The following CNOT6L variants were observed in gnomAD, a reference collection of about 807,000 sequenced individuals.
The protein encoded by CNOT6L is CCR4-NOT transcription complex subunit 6 like.
A neutral mutation model predicts 64.0 loss-of-function variants in CNOT6L; 7 were observed. That is an observed-to-expected ratio of 0.11 (90% CI 0.06 to 0.21). CNOT6L has a LOEUF of 0.21. Among genes scored for constraint, CNOT6L ranks in the 10% least tolerant of loss-of-function variants. The pLI, the probability that CNOT6L is intolerant of heterozygous loss-of-function variation, is 1.00. For synonymous variants in CNOT6L, 193 were observed against 243.4 expected, an observed-to-expected ratio of 0.79 and a Z score of 1.93; for missense variants, 245 against 669.0, an observed-to-expected ratio of 0.37 and a Z score of 6.99.
At chr4:77,806,958 C>T (rs1019072697) in intron 1 of CNOT6L, among the ~76,000 whole-genome samples, 2 of 152,164 alleles carry the variant, frequency 1.3e-5, no homozygotes, top group Non-Finnish European at 2.9e-5. Flanking sequence ...ATATGCCAAA[C>T]TCTGTATTAA....
Position 77,718,047 on chromosome 4 carries a change from T to A in CNOT6L, c.*2384A>T, listed in dbSNP as rs201717132. ...TTACAATGTTTCCCATTTTTTTTTA[T>A]TTTTTCCCTCTACATTTAACTATTA... On this transcript the variant is annotated 3_prime_UTR_variant, in exon 12 of 12. Transcript: ENST00000504123. 1 of 148,986 alleles carries A rather than the reference T, an allele frequency of 6.7e-6. No individual in the cohort carries two copies. Among genetic ancestry groups the A allele is most frequent in the South Asian group, 2.1e-4 (1 of 4,682 alleles). 9.2% of individuals were successfully genotyped at this position (148,986 alleles called of 1,614,324 possible). A position where few individuals can be genotyped will look rare whatever the true frequency, so the allele number is the denominator to read the frequency against.
intron 1 of CNOT6L, among the ~76,000 whole-genome samples, chr4:77,800,883 T>A (rs1432577491): frequency 6.6e-6 from 1 of 152,146 alleles, no homozygotes; most frequent in Non-Finnish European, 1.5e-5. Flanking sequence ...TAAAAGAAAG[T>A]TAAGGCCAAT....
upstream of CNOT6L, chr4:77,819,565 C>G: frequency 3.1e-6 from 1 of 327,560 alleles, no homozygotes; most frequent in Non-Finnish European, 5.1e-6. Flanking sequence ...CCCGGGGTCT[C>G]GGGGGGCCCG....
At chr4:77,818,887 C>G in intron 1 of CNOT6L, 2 of 443,784 alleles carry the variant, frequency 4.5e-6, no homozygotes, top group Non-Finnish European at 8.3e-6. Context: ...GGCGCGGCAC[C>G]GACCAGCAGC....
At chr4:77,748,222 G>A in intron 6 of CNOT6L, 94 bp downstream of exon 6, 1 of 878,668 alleles carries the variant, frequency 1.1e-6, no homozygotes, top group Non-Finnish European at 1.9e-6. Flanking sequence ...CCCATGAAAG[G>A]TAAAAATGAA....
chr4:77,731,598 T>C (rs1347798996), intron 8 of CNOT6L, 60 bp from the exon 9 acceptor site: 1 of 1,255,102 alleles, frequency 8.0e-7, no homozygotes, highest in Non-Finnish European at 1.1e-6. Flanking sequence ...AGATATTAAA[T>C]GAAAGAAACA....
At chr4:77,807,097 G>C (rs371844634) in intron 1 of CNOT6L, among the ~76,000 whole-genome samples, 4 of 151,846 alleles carry the variant, frequency 2.6e-5, no homozygotes, top group African/African-American at 7.3e-5. Context: ...GGATGGTCTC[G>C]ATCTCCTGAC....
At position 77,800,301 on chromosome 4, in the gene CNOT6L, AG is replaced by A. The variant is rs535509324; in HGVS notation, c.5+19002del. On this transcript the variant is annotated intron_variant, in intron 1 of 11. Coordinates refer to ENST00000504123, the MANE Select transcript of CNOT6L (RefSeq NM_144571.3). ...AGGACTGCTTGAGCCCAGGCGTTCAAGGCCAGCCTGGGCAACATAGTGAGAC... is the reference window on the plus strand; with the variant it reads ...AGGACTGCTTGAGCCCAGGCGTTCAAGCCAGCCTGGGCAACATAGTGAGAC... Among the ~76,000 whole-genome samples, 20 of 152,246 alleles carry A rather than the reference AG, an allele frequency of 1.3e-4. No homozygotes were observed. The East Asian group carries it at 3.7e-3, about 28-fold the overall frequency.
intron 8 of CNOT6L, among the ~76,000 whole-genome samples, chr4:77,732,223 TA>T (rs1722519879): frequency 6.6e-6 from 1 of 152,142 alleles, no homozygotes; most frequent in African/African-American, 2.4e-5. Flanking sequence ...TCTGCACTAA[TA>T]ATTTTTTCTT....
chr4:77,819,422 G>T, upstream of CNOT6L: 1 of 1,594,408 alleles, frequency 6.3e-7, no homozygotes. Context: ...CCCCTCCAGA[G>T]CCGCGGCCGC....
Position 77,819,272 on chromosome 4 carries a change from C to T in CNOT6L, c.5+32G>A, listed in dbSNP as rs573604957. The T allele has an allele frequency of 4.3e-6, 7 of 1,613,586 alleles. No homozygotes were observed. The East Asian group carries it at 1.3e-4, about 31-fold the overall frequency. ...GACGCGCTCCTCTTCCCAACACTCTCGGTCCTACTCGGAGGCAAAAGAACA... is the reference window on the plus strand; with the variant it reads ...GACGCGCTCCTCTTCCCAACACTCTTGGTCCTACTCGGAGGCAAAAGAACA... On this transcript the variant is annotated intron_variant, in intron 1 of 11. Transcript: ENST00000504123.
intron 11 of CNOT6L, among the ~76,000 whole-genome samples, chr4:77,725,213 TTCC>T (rs1344323194): frequency 1.3e-5 from 2 of 152,210 alleles, no homozygotes; most frequent in African/African-American, 4.8e-5. Context: ...ATTTCTTTTC[TTCC>T]TCCTATTTGT....
Position 77,714,053 on chromosome 4 carries a change from A to C in CNOT6L, c.*6378T>G, listed in dbSNP as rs931260500. 6.6e-6 allele frequency: 1 copy of C among 152,574 alleles called. No individual in the cohort carries two copies. Among genetic ancestry groups the C allele is most frequent in the African/African-American group, 2.4e-5 (1 of 41,436 alleles). 9.5% of individuals were successfully genotyped at this position (152,574 alleles called of 1,614,324 possible). On this transcript the variant is annotated 3_prime_UTR_variant, in exon 12 of 12. Coordinates refer to ENST00000504123, the MANE Select transcript of CNOT6L (RefSeq NM_144571.3). ...GTAAATATACAACCTAAAACAGCAG[A>C]ATTTGTTTTGGAATAGTATCAATGG... is the stretch of plus-strand genomic sequence containing the variant.
At chr4:77,752,672 A>G (rs1724982972) in intron 5 of CNOT6L, among the ~76,000 whole-genome samples, 1 of 152,080 alleles carries the variant, frequency 6.6e-6, no homozygotes, top group South Asian at 2.1e-4. Flanking sequence ...ACTGAATGAT[A>G]ATGAAAATAA....
intron 1 of CNOT6L, among the ~76,000 whole-genome samples, chr4:77,787,189 C>A (rs1729554487): frequency 6.6e-6 from 1 of 152,088 alleles, no homozygotes; most frequent in African/African-American, 2.4e-5. Context: ...TCGCTTGAAC[C>A]TGGGAGGTGG....
intron 10 of CNOT6L, 97 bp from the exon 11 acceptor site, chr4:77,726,466 G>C (rs1016588096): frequency 3.2e-6 from 3 of 945,158 alleles, no homozygotes; most frequent in Admixed American, 2.8e-5. Context: ...ACCAGGCTCA[G>C]AGTGGTCTTC....
chr4:77,730,296 C>T (rs983282853), intron 9 of CNOT6L, among the ~76,000 whole-genome samples: 5 of 151,976 alleles, frequency 3.3e-5, no homozygotes, highest in African/African-American at 4.8e-5. Flanking sequence ...ATCTTCTAAG[C>T]GATCTTCTTT....
chr4:77,792,042 A>G (rs1476376077), intron 1 of CNOT6L, among the ~76,000 whole-genome samples: 1 of 152,206 alleles, frequency 6.6e-6, no homozygotes, highest in African/African-American at 2.4e-5. Flanking sequence ...CTTTGTTTAG[A>G]AGTGCCTAAA....
At chr4:77,811,115 CAGTAAGAA>C (rs982866743) in intron 1 of CNOT6L, among the ~76,000 whole-genome samples, 1 of 152,126 alleles carries the variant, frequency 6.6e-6, no homozygotes, top group Non-Finnish European at 1.5e-5. Flanking sequence ...TCAAGCTATT[CAGTAAGAA>C]ATTCTCCACA....
Sources: gnomAD v4.1 joint callset for allele counts (sites outside exome capture counted in the v4.1 genomes callset) on GRCh38, gnomAD v4.1.1 for gene constraint, MANE v1.5 for transcripts, NCBI Gene and HGNC (gene_info 2026-07-23, HGNC 2026-07-21) for gene names.